AGBL4: variants seen among roughly 807,000 people sequenced by gnomAD.
AGBL4 encodes cytosolic carboxypeptidase 6.
A neutral mutation model predicts 66.4 loss-of-function variants in AGBL4; 58 were observed. That is an observed-to-expected ratio of 0.87 (90% CI 0.71 to 1.09). The LOEUF is 1.09. Ranked by LOEUF, AGBL4 falls within the 50% of genes least tolerant of loss-of-function variation. AGBL4 has a pLI of 0.00. For missense variants in AGBL4, 579 were observed against 631.0 expected, an observed-to-expected ratio of 0.92 and a Z score of 0.88; for synonymous variants, 234 against 222.9, an observed-to-expected ratio of 1.05 and a Z score of -0.44.
chr1:49,720,589 T>C (rs182993493), intron 2 of AGBL4, among the ~76,000 whole-genome samples: 1 of 152,224 alleles, frequency 6.6e-6, no homozygotes, highest in Admixed American at 6.6e-5. Context: ...TCACATCACA[T>C]CTCCAACCCT....
chr1:49,733,383 T>C (rs989760294), intron 2 of AGBL4, among the ~76,000 whole-genome samples: 1 of 152,198 alleles, frequency 6.6e-6, no homozygotes, highest in Admixed American at 6.5e-5. Flanking sequence ...TAAAGATGTT[T>C]TTCTCATTTC....
chr1:48,947,438 C>G (rs1656609409), intron 5 of AGBL4, among the ~76,000 whole-genome samples: 1 of 152,140 alleles, frequency 6.6e-6, no homozygotes. Context: ...TGGGAGAGGG[C>G]AGCATTCACC....
chr1:48,563,382 CAG>C (rs1351309562), intron 11 of AGBL4, among the ~76,000 whole-genome samples: 3 of 152,146 alleles, frequency 2.0e-5, no homozygotes, highest in Admixed American at 6.5e-5. Context: ...AACCACTGGG[CAG>C]AGACTGGCCT....
intron 2 of AGBL4, among the ~76,000 whole-genome samples, chr1:49,809,328 T>C (rs1301854011): frequency 8.3e-6 from 1 of 121,084 alleles, no homozygotes; most frequent in Non-Finnish European, 1.6e-5. Flanking sequence ...CAGGCCCTGG[T>C]GTGTAATGAT....
intron 3 of AGBL4, among the ~76,000 whole-genome samples, chr1:49,651,077 G>C (rs1469748673): frequency 6.6e-6 from 1 of 152,182 alleles, no homozygotes; most frequent in Admixed American, 6.5e-5. Context: ...TCTGGAATGG[G>C]GGAAGAGGAT....
chr1:49,936,947 C>A (rs949432952), intron 1 of AGBL4, among the ~76,000 whole-genome samples: 4 of 152,168 alleles, frequency 2.6e-5, no homozygotes, highest in Admixed American at 2.0e-4. Flanking sequence ...AGCAAAATAA[C>A]CAGCTAACAT....
In AGBL4 at chr1:48,590,825, T is replaced by C. The variant is rs1193957999; in HGVS notation, c.1104+8A>G. The stretch of plus-strand genomic sequence containing the variant: ...CTGGGGCTGGCTGAGAGAGAACTCC[T>C]GGCTTACATAGGAGAAGTCCTCAGC... On this transcript the variant is annotated splice_region_variant and intron_variant, in intron 10 of 13. Transcript: ENST00000371839. 3.8e-6 allele frequency: 6 copies of C among 1,593,630 alleles called. No homozygotes were observed. Among genetic ancestry groups the C allele is most frequent in the Non-Finnish European group, 5.1e-6 (6 of 1,169,660 alleles).
At chr1:48,926,185 C>T (rs1268148965) in intron 5 of AGBL4, among the ~76,000 whole-genome samples, 2 of 152,178 alleles carry the variant, frequency 1.3e-5, no homozygotes, top group African/African-American at 4.8e-5. Flanking sequence ...GAGCAAGACG[C>T]TTGCAAGACT....
At chr1:49,455,054 T>G (rs1646359598) in intron 3 of AGBL4, among the ~76,000 whole-genome samples, 1 of 151,698 alleles carries the variant, frequency 6.6e-6, no homozygotes, top group Admixed American at 6.6e-5. Flanking sequence ...TTTTCCTAGA[T>G]CATCTAGCTA....
chr1:49,671,887 G>T (rs559734794), intron 3 of AGBL4, among the ~76,000 whole-genome samples: 1 of 152,218 alleles, frequency 6.6e-6, no homozygotes, highest in Admixed American at 6.5e-5. Context: ...ACTGTTGATG[G>T]GAGTGTAAAG....
chr1:49,012,171 G>A (rs77917790), intron 5 of AGBL4, among the ~76,000 whole-genome samples: 6,817 of 152,110 alleles, frequency 0.045, 184 homozygotes, highest in East Asian at 0.074. Flanking sequence ...TGTGGAGGCC[G>A]TTCAGAGTAC....
chr1:48,746,971 A>G (rs1650870137), intron 6 of AGBL4, among the ~76,000 whole-genome samples: 1 of 152,226 alleles, frequency 6.6e-6, no homozygotes. Flanking sequence ...GAGGGCCCCT[A>G]GTGCTTTTAA....
chr1:49,997,270 G>A (rs1660438801), intron 1 of AGBL4, among the ~76,000 whole-genome samples: 1 of 152,056 alleles, frequency 6.6e-6, no homozygotes, highest in Non-Finnish European at 1.5e-5. Flanking sequence ...TGGCAGAATG[G>A]GTAAGAATTC....
intron 6 of AGBL4, among the ~76,000 whole-genome samples, chr1:48,690,342 C>G (rs113874754): frequency 0.023 from 3,543 of 152,132 alleles, 143 homozygotes; most frequent in African/African-American, 0.08. Context: ...GTGGGGGGCG[C>G]AGAGACTCTC....
intron 6 of AGBL4, among the ~76,000 whole-genome samples, chr1:48,670,270 C>CT (rs1238131516): frequency 5.3e-5 from 8 of 152,298 alleles, no homozygotes; most frequent in African/African-American, 1.7e-4. Flanking sequence ...ACTGCACAGC[C>CT]TGTGAGATCA....
intron 9 of AGBL4, among the ~76,000 whole-genome samples, chr1:48,599,174 C>T (rs1293785395): frequency 1.3e-5 from 2 of 152,064 alleles, no homozygotes; most frequent in Non-Finnish European, 2.9e-5. Flanking sequence ...AATCCCTTCT[C>T]GTGGAACACT....
chr1:49,395,825 A>G (rs1217227127), intron 3 of AGBL4, among the ~76,000 whole-genome samples: 1 of 89,278 alleles, frequency 1.1e-5, no homozygotes, highest in African/African-American at 5.3e-5. Flanking sequence ...ACATATATAT[A>G]TATGTGTATA....
intron 1 of AGBL4, among the ~76,000 whole-genome samples, chr1:49,974,548 A>T (rs983581753): frequency 3.9e-5 from 6 of 152,184 alleles, no homozygotes; most frequent in African/African-American, 1.4e-4. Flanking sequence ...CTGCATTTTT[A>T]AAAATCAAAG....
intron 3 of AGBL4, among the ~76,000 whole-genome samples, chr1:49,524,138 C>T (rs1188338175): frequency 1.3e-5 from 2 of 152,054 alleles, no homozygotes; most frequent in South Asian, 2.1e-4. Context: ...CATACATCTG[C>T]CCTGGCCCTC....
Sources: gnomAD v4.1 joint callset for allele counts (sites outside exome capture counted in the v4.1 genomes callset) on GRCh38, gnomAD v4.1.1 for gene constraint, MANE v1.5 for transcripts, NCBI Gene and HGNC (gene_info 2026-07-23, HGNC 2026-07-21) for gene names.